Variants in ATP2B2 observed in about 807,000 individuals in gnomAD.
ATP2B2 encodes plasma membrane calcium-transporting ATPase 2.
A neutral mutation model predicts 120.0 loss-of-function variants in ATP2B2; 15 were observed. The observed-to-expected ratio is 0.12, with a 90% CI of 0.08 to 0.19. The LOEUF is 0.19. Ranked by LOEUF, ATP2B2 falls within the 10% of genes least tolerant of loss-of-function variation. The pLI is 1.00. For synonymous variants in ATP2B2, 694 were observed against 700.3 expected (o/e 0.99, Z 0.14); for missense variants, 1,045 against 1,719.8 (o/e 0.61, Z 6.94).
intron 1 of ATP2B2, among the ~76,000 whole-genome samples, chr3:10,499,622 A>G (rs569346895): frequency 6.6e-6 from 1 of 152,308 alleles, no homozygotes; most frequent in South Asian, 2.1e-4. Context: ...TCAGTGGCAG[A>G]GACAAGGAAC....
intron 2 of ATP2B2, among the ~76,000 whole-genome samples, chr3:10,548,351 T>C (rs918193854): frequency 1.3e-5 from 2 of 152,250 alleles, no homozygotes; most frequent in African/African-American, 4.8e-5. Flanking sequence ...GCAAGCTGGT[T>C]TGATACCACA....
intron 1 of ATP2B2, among the ~76,000 whole-genome samples, chr3:10,503,602 T>C (rs979626672): frequency 1.3e-5 from 2 of 152,232 alleles, no homozygotes; most frequent in Admixed American, 6.5e-5. Context: ...GGCGGGTGTG[T>C]GCACGCAGCA....
chr3:10,556,371 G>A (rs1045335162), intron 2 of ATP2B2, among the ~76,000 whole-genome samples: 2 of 152,164 alleles, frequency 1.3e-5, no homozygotes, highest in South Asian at 2.1e-4. Context: ...CTGCTCCCTC[G>A]AGCTGTCTTT....
At chr3:10,671,992 AT>A (rs1468815853) in intron 1 of ATP2B2, among the ~76,000 whole-genome samples, 4 of 152,240 alleles carry the variant, frequency 2.6e-5, no homozygotes, top group African/African-American at 9.6e-5. Context: ...CCTGAGTTAC[AT>A]AGTAATATTT....
intron 1 of ATP2B2, among the ~76,000 whole-genome samples, chr3:10,470,519 CA>C: frequency 6.6e-6 from 1 of 152,302 alleles, no homozygotes; most frequent in African/African-American, 2.4e-5. Context: ...TTGATCTCCT[CA>C]GTAACACTGG....
intron 2 of ATP2B2, among the ~76,000 whole-genome samples, chr3:10,585,419 G>A (rs1248407226): frequency 1.4e-5 from 2 of 146,202 alleles, no homozygotes; most frequent in African/African-American, 2.5e-5. Flanking sequence ...GCGTGAACCC[G>A]GGAGGCGGAA....
At chr3:10,455,957 T>C (rs916699776) in intron 1 of ATP2B2, among the ~76,000 whole-genome samples, 20 of 152,228 alleles carry the variant, frequency 1.3e-4, no homozygotes, top group Non-Finnish European at 2.2e-4. Flanking sequence ...TCTGACAATA[T>C]TGGATTTATG....
At chr3:10,704,652 G>T (rs758574878) in intron 1 of ATP2B2, among the ~76,000 whole-genome samples, 1 of 152,154 alleles carries the variant, frequency 6.6e-6, no homozygotes, top group Non-Finnish European at 1.5e-5. Context: ...GGCCCCAATA[G>T]TTAGCTCCCT....
chr3:10,558,156 C>A (rs1427549990), intron 2 of ATP2B2, among the ~76,000 whole-genome samples: 1 of 152,156 alleles, frequency 6.6e-6, no homozygotes, highest in Non-Finnish European at 1.5e-5. Flanking sequence ...GTCAGAGCAG[C>A]TAGAACTGCC....
chr3:10,571,066 G>A lies in ATP2B2; in HGVS notation c.-414-36933C>T, dbSNP rs116477549. ...AAGAGACAAATTTCTCTGCATCTCC[G>A]TTGCTCTAAGAATTTACATTGAACT... On this transcript the variant is annotated intron_variant, in intron 2 of 21. Transcript: ENST00000646379. Among the ~76,000 whole-genome samples, 788 of 152,316 alleles carry A rather than the reference G, an allele frequency of 5.2e-3. 9 individuals carry two copies. The highest frequency in any genetic ancestry group is 0.018 in the African/African-American group (746 of 41,556).
chr3:10,701,609 G>A (rs2071820466), intron 1 of ATP2B2, among the ~76,000 whole-genome samples: 1 of 151,664 alleles, frequency 6.6e-6, no homozygotes, highest in African/African-American at 2.4e-5. Context: ...CAGGTCTGAG[G>A]ATGCAATTTT....
chr3:10,330,617 G>C (rs141039434), intron 22 of ATP2B2, among the ~76,000 whole-genome samples: 60 of 152,382 alleles, frequency 3.9e-4, no homozygotes, highest in African/African-American at 1.4e-3. Context: ...CACCTGCAGA[G>C]CAGTGGCTGC....
chr3:10,385,701 G>A lies in ATP2B2; in HGVS notation c.941-374C>T, dbSNP rs541073265. On this transcript the variant is annotated intron_variant, in intron 7 of 22. Coordinates refer to ENST00000360273, the MANE Select transcript of ATP2B2 (RefSeq NM_001001331.4). ...TCTGGCTGCCCATTGGGGGCCAGGA[G>A]TGGAAAAATATTCACTAGGCAGTGC... Among the ~76,000 whole-genome samples, 8 of 152,342 alleles carry A rather than the reference G, an allele frequency of 5.3e-5. No homozygotes were observed. In the South Asian group the frequency reaches 1.7e-3, roughly 32 times the overall value.
chr3:10,406,172 G>C (rs1188989074), intron 3 of ATP2B2, among the ~76,000 whole-genome samples: 3 of 152,240 alleles, frequency 2.0e-5, no homozygotes, highest in African/African-American at 7.2e-5. Flanking sequence ...CTGGCTTTAA[G>C]TTTGGGGATG....
intron 2 of ATP2B2, among the ~76,000 whole-genome samples, chr3:10,574,508 T>C (rs1199960162): frequency 6.6e-6 from 1 of 152,208 alleles, no homozygotes. Flanking sequence ...TTTTCTTCTA[T>C]TGATTTTCAG....
chr3:10,600,875 C>T (rs1443560436), intron 2 of ATP2B2, among the ~76,000 whole-genome samples: 5 of 152,170 alleles, frequency 3.3e-5, no homozygotes, highest in Non-Finnish European at 5.9e-5. Flanking sequence ...ATAGAAAACA[C>T]ATGGCGGTCA....
At chr3:10,697,454 A>G (rs1020013425) in intron 1 of ATP2B2, among the ~76,000 whole-genome samples, 1 of 152,224 alleles carries the variant, frequency 6.6e-6, no homozygotes, top group African/African-American at 2.4e-5. Context: ...ATGAGATAAA[A>G]TAAGTATAAG....
intron 2 of ATP2B2, among the ~76,000 whole-genome samples, chr3:10,554,537 T>C (rs2067738420): frequency 6.6e-6 from 1 of 152,142 alleles, no homozygotes; most frequent in African/African-American, 2.4e-5. Context: ...AGGCAGCCTC[T>C]AGAAGATGGA....
intron 1 of ATP2B2, among the ~76,000 whole-genome samples, chr3:10,705,835 T>C: frequency 6.6e-6 from 1 of 152,234 alleles, no homozygotes; most frequent in South Asian, 2.1e-4. Flanking sequence ...CCCAGTGTGG[T>C]TGGACCTTCC....
Sources: allele counts gnomAD v4.1 joint callset (sites outside exome capture counted in the v4.1 genomes callset), GRCh38; gene constraint gnomAD v4.1.1; transcripts MANE v1.5; gene names NCBI Gene and HGNC (gene_info 2026-07-23, HGNC 2026-07-21).